Variants in MCM10 observed in about 807,000 individuals in gnomAD.
MCM10 encodes the protein minichromosome maintenance 10 replication initiation factor.
A neutral mutation model predicts 109.9 loss-of-function variants in MCM10; 91 were observed. The ratio of observed to expected loss-of-function variants is 0.83; its 90% confidence interval spans 0.70 to 0.99. MCM10 has a LOEUF of 0.99. MCM10 is among the 50% of genes least tolerant of loss of function. MCM10 has a pLI of 0.00. For synonymous variants in MCM10, 380 were observed against 387.2 expected, an observed-to-expected ratio of 0.98 and a Z score of 0.22; for missense variants, 1,077 against 1,061.2, an observed-to-expected ratio of 1.01 and a Z score of -0.21.
rs1564389661 is a variant in MCM10, at chr10:13,192,500, A to C, written c.1677A>C (p.Ala559=). 2.5e-6 allele frequency: 4 copies of C among 1,614,112 alleles called. No individual in the cohort carries two copies. Among genetic ancestry groups the C allele is most frequent in the Non-Finnish European group, 3.4e-6 (4 of 1,180,026 alleles). ...KPAIKSISAS[A]LLKQQKQRML... is the part of the protein sequence containing the mutation. ...CCATCAAGTCCATCTCGGCCTCAGC[A>C]CTCTTGAAGCAACAGAAGCAGCGGA... is the stretch of plus-strand genomic sequence containing the variant. The change falls in exon 13 of 20, where the codon GCA becomes GCC. Residue 559 remains alanine (A), a synonymous_variant. Coordinates refer to ENST00000378714, the MANE Select transcript of MCM10 (RefSeq NM_018518.5).
At position 13,177,726 on chromosome 10, in the gene MCM10, C is replaced by T. The variant is rs192900476; in HGVS notation, c.764+2045C>T. On this transcript the variant is annotated intron_variant, in intron 6 of 19. Transcript: ENST00000378714. Reference sequence around the variant, plus strand: ...ATCTCTACAGAAACAAAATTTAGCCCGGTGTGGTGACATGCGCCTCTAGTT... The same window carrying T: ...ATCTCTACAGAAACAAAATTTAGCCTGGTGTGGTGACATGCGCCTCTAGTT... Among the ~76,000 whole-genome samples, 26 of 151,610 alleles carry T rather than the reference C, an allele frequency of 1.7e-4. No homozygotes were observed. In the East Asian group the frequency reaches 1.9e-3, roughly 11 times the overall value.
At chr10:13,202,969 C>T (rs904180465) in intron 17 of MCM10, among the ~76,000 whole-genome samples, 4 of 152,080 alleles carry the variant, frequency 2.6e-5, no homozygotes, top group African/African-American at 7.2e-5. Context: ...CTCAGCCTCC[C>T]GAGTAGCTGG....
chr10:13,204,436 G>T (rs1834542662), intron 18 of MCM10, 72 bp downstream of exon 18: 15 of 1,569,804 alleles, frequency 9.6e-6, no homozygotes, highest in Admixed American at 6.9e-5. Context: ...CTGTGATTCT[G>T]TTCCCTTGGA....
At chr10:13,198,577 T>A (rs55707475) in intron 15 of MCM10, 112 bp from the exon 16 acceptor site, 2 of 716,178 alleles carry the variant, frequency 2.8e-6, no homozygotes, top group Non-Finnish European at 4.9e-6. Flanking sequence ...TAGGTCAAGT[T>A]TGAAGGGCTG....
Position 13,209,298 on chromosome 10 carries a change from C to A in MCM10, c.2613C>A (p.Asn871Lys), listed in dbSNP as rs779486870. 9.4e-5 allele frequency: 152 copies of A among 1,613,338 alleles called. No individual in the cohort carries two copies. Among genetic ancestry groups the A allele is most frequent in the Non-Finnish European group, 2.5e-6 (3 of 1,179,742 alleles). Reference sequence around the variant, plus strand: ...GAGAAGAACATGCTAAATTTCTGAACAGCCTTAAATAACCCGAACTTCAGA... The same window carrying A: ...GAGAAGAACATGCTAAATTTCTGAAAAGCCTTAAATAACCCGAACTTCAGA... ...PRGEEHAKFLNSLK is the reference protein window; with the variant it reads ...PRGEEHAKFLKSLK Residue 871 changes from asparagine (N) to lysine (K), a missense_variant, in exon 20 of 20, where the codon AAC becomes AAA. Coordinates refer to ENST00000378714, the MANE Select transcript of MCM10 (RefSeq NM_018518.5).
intron 10 of MCM10, 108 bp from the exon 11 acceptor site, chr10:13,191,191 G>C (rs1834342374): frequency 1.4e-6 from 1 of 734,358 alleles, no homozygotes; most frequent in African/African-American, 1.8e-5. Flanking sequence ...GGTGTTTTGA[G>C]AAACTTTGAC....
intron 9 of MCM10, among the ~76,000 whole-genome samples, chr10:13,186,553 T>C (rs527559008): frequency 6.6e-6 from 1 of 152,374 alleles, no homozygotes; most frequent in South Asian, 2.1e-4. Context: ...ATTCTTGTAA[T>C]TCCACAGAGC....
In MCM10 at chr10:13,186,299, A is replaced by T; in HGVS notation, c.1215+19A>T. On this transcript the variant is annotated intron_variant, in intron 9 of 19. Transcript: ENST00000378714. ...GAATTTGGTTGGTTTCAGCCTTGTT[A>T]GGATGGTTTCTGCTAAAGAAAAGAA... 1 of 1,512,790 alleles carries T rather than the reference A, an allele frequency of 6.6e-7. No homozygotes were observed. 93.7% of individuals were successfully genotyped at this position (1,512,790 alleles called of 1,614,324 possible).
chr10:13,183,979 C>G (rs1001782952), intron 8 of MCM10, among the ~76,000 whole-genome samples: 2 of 152,126 alleles, frequency 1.3e-5, no homozygotes, highest in African/African-American at 4.8e-5. Context: ...CTGCCTCACC[C>G]TCAGCAGCTG....
At chr10:13,208,014 A>T (rs1275189990) in intron 18 of MCM10, among the ~76,000 whole-genome samples, 1 of 152,024 alleles carries the variant, frequency 6.6e-6, no homozygotes, top group East Asian at 1.9e-4. Context: ...CCCAGAGTAA[A>T]CTTCATAGGA....
chr10:13,204,170 C>T (rs1258120995), intron 17 of MCM10, 49 bp from the exon 18 acceptor site: 1 of 1,594,782 alleles, frequency 6.3e-7, no homozygotes, highest in Non-Finnish European at 8.6e-7. Flanking sequence ...GAGCATTTGT[C>T]CTCAAAGGCT....
chr10:13,209,905 G>A lies in MCM10; in HGVS notation c.*595G>A, dbSNP rs1215619814. ...AAGCCAGATTTCTTCATTCAATTCT[G>A]TTATCTCTGTTTTACTCTTTGAAAT... On this transcript the variant is annotated 3_prime_UTR_variant, in exon 20 of 20. Coordinates refer to ENST00000378714, the MANE Select transcript of MCM10 (RefSeq NM_018518.5). 2 of 152,452 alleles carry A rather than the reference G, an allele frequency of 1.3e-5. No individual in the cohort carries two copies. Among genetic ancestry groups the A allele is most frequent in the Admixed American group, 1.3e-4 (2 of 15,308 alleles). 9.4% of individuals were successfully genotyped at this position (152,452 alleles called of 1,614,324 possible).
rs781491776 is a variant in MCM10 at position 13,195,023 on chromosome 10, A to C, written c.1746-18A>C. ...TCGTAAACCCTGTTTGCGTATTTTG[A>C]CTGTATGTTCTTTAAAGATTTCTGC... is the stretch of plus-strand genomic sequence containing the variant. On this transcript the variant is annotated intron_variant, in intron 13 of 19. Transcript: ENST00000378714. 1.4e-5 allele frequency: 23 copies of C among 1,601,820 alleles called. No homozygotes were observed. The highest frequency in any genetic ancestry group is 1.7e-4 in the Middle Eastern group (1 of 6,016).
intron 14 of MCM10, among the ~76,000 whole-genome samples, chr10:13,196,069 G>A (rs1443607170): frequency 1.3e-5 from 2 of 151,922 alleles, no homozygotes; most frequent in Non-Finnish European, 2.9e-5. Context: ...ACCACGCCTT[G>A]GCTAATTTTT....
At chr10:13,175,743 C>A (rs1834134505) in intron 6 of MCM10, 62 bp downstream of exon 6, 3 of 1,168,476 alleles carry the variant, frequency 2.6e-6, no homozygotes, top group East Asian at 2.4e-5. Flanking sequence ...CTCTCGGAGT[C>A]CTTTAGAAGT....
chr10:13,184,914 T>C (rs1310031007), intron 8 of MCM10, among the ~76,000 whole-genome samples: 1 of 152,104 alleles, frequency 6.6e-6, no homozygotes, highest in African/African-American at 2.4e-5. Context: ...CTAAACACCT[T>C]GCCAATTTCT....
intron 2 of MCM10, among the ~76,000 whole-genome samples, chr10:13,169,662 G>C (rs1045030745): frequency 3.9e-5 from 6 of 152,198 alleles, no homozygotes; most frequent in African/African-American, 1.4e-4. Context: ...TCTTATTATA[G>C]GATACAATAT....
intron 6 of MCM10, 149 bp from the exon 7 acceptor site, chr10:13,180,293 T>C: frequency 2.2e-6 from 1 of 457,764 alleles, no homozygotes; most frequent in Non-Finnish European, 3.8e-6. Context: ...GCTATAAAAA[T>C]GGATGCCTTG....
At position 13,188,863 on chromosome 10, in the gene MCM10, C is replaced by G. The variant is rs768590593; in HGVS notation, c.1216-18C>G. The G allele has an allele frequency of 1.9e-6, 3 of 1,612,596 alleles. No individual in the cohort carries two copies. The East Asian group carries it at 6.7e-5, about 36-fold the overall frequency. ...GCCTGTTGCCCTCATCCTGATGCCA[C>G]TGCTCTGCCTTTTGCAGCGTGACTG... On this transcript the variant is annotated intron_variant, in intron 9 of 19. Coordinates refer to ENST00000378714, the MANE Select transcript of MCM10 (RefSeq NM_018518.5).
Sources: allele counts gnomAD v4.1 joint callset (sites outside exome capture counted in the v4.1 genomes callset), GRCh38; gene constraint gnomAD v4.1.1; transcripts MANE v1.5; gene names NCBI Gene and HGNC (gene_info 2026-07-23, HGNC 2026-07-21).